The following GNB4 variants were observed in gnomAD, a reference collection of about 807,000 sequenced individuals.
The protein encoded by GNB4 is guanine nucleotide-binding protein subunit beta-4.
In GNB4, 28 loss-of-function variants were observed where a neutral mutation model predicts 45.2. The ratio of observed to expected loss-of-function variants is 0.62; its 90% CI spans 0.46 to 0.85. The LOEUF (loss-of-function observed/expected upper bound fraction) is 0.85, where lower values mean the gene tolerates loss of function less well. GNB4 is among the 40% of genes least tolerant of loss of function. The pLI, the probability that GNB4 is intolerant of heterozygous loss-of-function variation, is 0.00. For missense variants in GNB4, 321 were observed against 425.4 expected (o/e 0.75, Z 2.16); for synonymous variants, 132 against 143.7 (o/e 0.92, Z 0.58).
chr3:179,438,177 G>A (rs1468250587), intron 1 of GNB4, among the ~76,000 whole-genome samples: 1 of 152,206 alleles, frequency 6.6e-6, no homozygotes, highest in Non-Finnish European at 1.5e-5. Context: ...TTACGTGTAT[G>A]TACACAACTC....
the GNB4 span, among the ~76,000 whole-genome samples, chr3:179,479,287 C>T: frequency 1.3e-5 from 2 of 152,096 alleles, no homozygotes; most frequent in African/African-American, 2.4e-5. Context: ...CTATACAATC[C>T]TTGGTGCCCA....
the GNB4 span, among the ~76,000 whole-genome samples, chr3:179,522,018 C>T: frequency 1.3e-5 from 2 of 152,058 alleles, no homozygotes; most frequent in Admixed American, 6.5e-5. Flanking sequence ...CAAAAATTTT[C>T]GCCGCCCCAA....
intron 5 of GNB4, 37 bp downstream of exon 5, chr3:179,416,454 AAT>A: frequency 8.1e-7 from 1 of 1,241,704 alleles, no homozygotes; most frequent in Non-Finnish European, 1.2e-6. Context: ...CAGCCAAACA[AAT>A]ATAAGGTTAT....
chr3:179,519,251 G>A, the GNB4 span, among the ~76,000 whole-genome samples: 3 of 152,184 alleles, frequency 2.0e-5, no homozygotes, highest in Non-Finnish European at 2.9e-5. Context: ...CAACTCACCC[G>A]GTAGCCACTT....
chr3:179,468,035 A>AAAAAATATAT, the GNB4 span, among the ~76,000 whole-genome samples: 1 of 89,856 alleles, frequency 1.1e-5, no homozygotes, highest in African/African-American at 4.0e-5. Context: ...TGTTGATAAA[A>AAAAAATATAT]ATATATATAT....
At chr3:179,424,482 T>C (rs189586216) in intron 2 of GNB4, among the ~76,000 whole-genome samples, 1 of 152,354 alleles carries the variant, frequency 6.6e-6, no homozygotes, top group African/African-American at 2.4e-5. Context: ...GTTACCTTCC[T>C]TGAATTCCTG....
At chr3:179,464,900 C>T in the GNB4 span, 34 of 1,490,970 alleles carry the variant, frequency 2.3e-5, no homozygotes, top group Non-Finnish European at 3.0e-5. Flanking sequence ...AATAATTAAG[C>T]GAACTGACAT....
the GNB4 span, among the ~76,000 whole-genome samples, chr3:179,489,006 AAAAAAAAAAAAAAATATATATAT>A: frequency 2.3e-5 from 1 of 43,690 alleles, no homozygotes; most frequent in Non-Finnish European, 3.9e-5. Context: ...AAAAAAAAAA[AAAAAAAAAAAAAAATATATATAT>A]ATATATATAT....
At chr3:179,482,046 G>A in the GNB4 span, among the ~76,000 whole-genome samples, 1 of 152,100 alleles carries the variant, frequency 6.6e-6, no homozygotes, top group Admixed American at 6.5e-5. Context: ...GGGACAACAG[G>A]TGTGCACCAC....
chr3:179,470,137 A>G, the GNB4 span, among the ~76,000 whole-genome samples: 1 of 152,250 alleles, frequency 6.6e-6, no homozygotes, highest in Non-Finnish European at 1.5e-5. Flanking sequence ...ACAATATTTG[A>G]CAATGATAAT....
At chr3:179,404,480 G>A (rs952636170) in intron 9 of GNB4, among the ~76,000 whole-genome samples, 15 of 152,048 alleles carry the variant, frequency 9.9e-5, no homozygotes, top group South Asian at 6.2e-4. Flanking sequence ...AGGCTGAGGC[G>A]GGAAGAAACC....
At position 179,398,554 on chromosome 3, in the gene GNB4, A is replaced by G. The variant is rs1306730202; in HGVS notation, c.*2659T>C. ...AAAAAAAAAAGGAACATTAACTGCA[A>G]TATTCTTGATGATGCAAATTTTTAA... On this transcript the variant is annotated 3_prime_UTR_variant, in exon 10 of 10. Transcript: ENST00000232564. 1.3e-5 allele frequency: 2 copies of G among 151,994 alleles called. No homozygotes were observed. The highest frequency in any genetic ancestry group is 2.9e-5 in the Non-Finnish European group (2 of 68,040). The allele number at this position is 151,994 out of a possible 1,614,324, so 9.4% of individuals were successfully genotyped here. A position where few individuals can be genotyped will look rare whatever the true frequency, so the allele number is the denominator to read the frequency against.
chr3:179,424,899 C>T (rs186585463), intron 2 of GNB4, among the ~76,000 whole-genome samples: 4 of 152,302 alleles, frequency 2.6e-5, no homozygotes, highest in South Asian at 4.1e-4. Context: ...TGAGCCACTG[C>T]CCCCAGCCTA....
chr3:179,464,818 T>C, the GNB4 span: 1 of 1,342,900 alleles, frequency 7.4e-7, no homozygotes, highest in Non-Finnish European at 1.1e-6. Flanking sequence ...ATGGCTTTCA[T>C]GTAATTAATG....
intron 5 of GNB4, among the ~76,000 whole-genome samples, 188 bp from the exon 6 acceptor site, chr3:179,415,235 A>G (rs1560214150): frequency 1.3e-5 from 2 of 152,186 alleles, no homozygotes; most frequent in African/African-American, 4.8e-5. Flanking sequence ...TAAAATGCCT[A>G]TTGTTTTGTA....
intron 9 of GNB4, among the ~76,000 whole-genome samples, chr3:179,401,800 A>G (rs141932395): frequency 1.3e-3 from 192 of 152,320 alleles, no homozygotes; most frequent in African/African-American, 4.4e-3. Context: ...AAGAATACCA[A>G]CATAATTCAT....
At chr3:179,464,295 C>T in the GNB4 span, 1 of 562,712 alleles carries the variant, frequency 1.8e-6, no homozygotes, top group Non-Finnish European at 3.2e-6. Flanking sequence ...TCCATCTCTA[C>T]TAAAAATTAA....
chr3:179,507,789 C>G, the GNB4 span, among the ~76,000 whole-genome samples: 1 of 152,214 alleles, frequency 6.6e-6, no homozygotes, highest in Non-Finnish European at 1.5e-5. Flanking sequence ...TTTGTACAAT[C>G]TTGGTATCAT....
chr3:179,484,834 A>ATGTGTG, the GNB4 span, among the ~76,000 whole-genome samples: 40 of 82,084 alleles, frequency 4.9e-4, no homozygotes, highest in African/African-American at 1.8e-3. Context: ...ATAGCTATAT[A>ATGTGTG]TATGTGTGTG....
Sources: allele counts gnomAD v4.1 joint callset (sites outside exome capture counted in the v4.1 genomes callset), GRCh38; gene constraint gnomAD v4.1.1; transcripts MANE v1.5; gene names NCBI Gene and HGNC (gene_info 2026-07-23, HGNC 2026-07-21).